MYH11: variants seen among roughly 807,000 people sequenced by gnomAD.
MYH11 encodes the protein myosin heavy chain 11.
In MYH11, 80 loss-of-function variants were observed where a neutral mutation model predicts 246.6. The observed-to-expected ratio is 0.32, with a 90% CI of 0.27 to 0.39. The LOEUF is 0.39. MYH11 is among the 10% of genes least tolerant of loss of function. The pLI, the probability that MYH11 is intolerant of heterozygous loss-of-function variation, is 1.00. For synonymous variants in MYH11, 1,071 were observed against 1,015.5 expected, an observed-to-expected ratio of 1.05 and a Z score of -1.04; for missense variants, 2,158 against 2,546.8, an observed-to-expected ratio of 0.85 and a Z score of 3.29.
At chr16:15,727,140 G>T in intron 27 of MYH11, 86 bp from the exon 28 acceptor site, 2 of 1,218,724 alleles carry the variant, frequency 1.6e-6, no homozygotes, top group Admixed American at 1.7e-5. Flanking sequence ...CCCTCAGAGA[G>T]GTCCAGGAAG....
chr16:15,818,470 T>C (rs2043317391), intron 3 of MYH11, among the ~76,000 whole-genome samples: 1 of 152,186 alleles, frequency 6.6e-6, no homozygotes. Flanking sequence ...TCTCGCTTTG[T>C]TGCCCAGGCT....
At chr16:15,854,024 CTG>C (rs1266015908) in intron 1 of MYH11, among the ~76,000 whole-genome samples, 2 of 152,148 alleles carry the variant, frequency 1.3e-5, no homozygotes, top group Admixed American at 6.5e-5. Context: ...GAGCAAGACT[CTG>C]TCTCAAAAAC....
At chr16:15,786,389 G>T (rs1328183055) in intron 5 of MYH11, 3 of 707,562 alleles carry the variant, frequency 4.2e-6, no homozygotes, top group Non-Finnish European at 7.8e-6. Flanking sequence ...GAAGGAAAGG[G>T]CTTATTCTCA....
intron 15 of MYH11, among the ~76,000 whole-genome samples, chr16:15,751,531 C>A (rs1239147476): frequency 6.6e-6 from 1 of 151,790 alleles, no homozygotes; most frequent in Non-Finnish European, 1.5e-5. Context: ...CCCAGCAGGT[C>A]CTGCACATGC....
chr16:15,793,039 A>G (rs971050056), intron 4 of MYH11, among the ~76,000 whole-genome samples: 7 of 151,846 alleles, frequency 4.6e-5, no homozygotes, highest in African/African-American at 1.7e-4. Flanking sequence ...CCAGCCTGTC[A>G]TCCATTTTAG....
intron 9 of MYH11, among the ~76,000 whole-genome samples, chr16:15,765,920 C>A (rs974627882): frequency 2.0e-5 from 3 of 152,152 alleles, no homozygotes; most frequent in Non-Finnish European, 4.4e-5. Context: ...CCTGCACAGC[C>A]CAGGCGAGCC....
At chr16:15,759,450 T>G in intron 12 of MYH11, 126 bp downstream of exon 12, 1 of 1,256,316 alleles carries the variant, frequency 8.0e-7, no homozygotes, top group Non-Finnish European at 1.2e-6. Flanking sequence ...GATCCACCCT[T>G]AACTAGACAG....
Position 15,741,810 on chromosome 16 carries a change from G to A in MYH11, c.2602C>T (p.Gln868Ter), listed in dbSNP as rs1333590764. ...TTAAGCTCATTCTCTGCCTTCTGCT[G>A]CCGCTCCTTGGTCTTCTGCAGTTCA... Reference protein sequence around the residue: ...EDELQKTKERQQKAENELKEL... With the variant: ...EDELQKTKER The change falls in exon 21 of 41, where the codon CAG (glutamine) becomes TAG (stop). Residue 868 changes from glutamine (Q) to a stop codon, truncating the protein, a stop_gained. Transcript: ENST00000300036. LOFTEE classifies it high-confidence loss of function. 1 of 1,614,208 alleles carries A rather than the reference G, an allele frequency of 6.2e-7. No individual in the cohort carries two copies. The highest frequency in any genetic ancestry group is 8.5e-7 in the Non-Finnish European group (1 of 1,180,050).
In MYH11 at chr16:15,738,637, C is replaced by T; in HGVS notation, c.3049G>A (p.Glu1017Lys). The change falls in exon 24 of 41, where the codon GAA becomes AAA. Residue 1017 changes from glutamate to lysine, a missense_variant. Glu to Lys is a moderately conservative substitution (Grantham distance 56). Transcript: ENST00000300036. The part of the protein sequence containing the change: ...RISDLTTNLA[E>K]EEEKAKNLTK... ...AGATTCTTGGCCTTTTCTTCCTCTT[C>T]TGCAAGATTTGTCGTTAAGTCACTA... 1 of 1,614,098 alleles carries T rather than the reference C, an allele frequency of 6.2e-7. No individual in the cohort carries two copies. Among genetic ancestry groups the T allele is most frequent in the Non-Finnish European group, 8.5e-7 (1 of 1,179,982 alleles).
chr16:15,748,152 G>A lies in MYH11; in HGVS notation c.2075C>T (p.Ala692Val), dbSNP rs148893135. 5.9e-4 allele frequency: 952 copies of A among 1,613,786 alleles called. 1 individual carries two copies. Among genetic ancestry groups the A allele is most frequent in the Non-Finnish European group, 7.6e-4 (902 of 1,180,042 alleles). The change falls in exon 17 of 41, where the codon GCG becomes GTG. Residue 692 changes from alanine to valine, a missense_variant. By Grantham distance (64) the Ala-to-Val change is moderately conservative. Transcript: ENST00000300036. The part of the protein sequence containing the change: ...NHEKRSGKLD[A>V]FLVLEQLRCN... ...CCGCAGCTGCTCCAGCACCAGGAAC[G>A]CATCCAGCTTGCCGGACTGCAAAGG...
At chr16:15,855,129 G>A (rs893044555) in intron 1 of MYH11, among the ~76,000 whole-genome samples, 3 of 152,088 alleles carry the variant, frequency 2.0e-5, no homozygotes, top group Non-Finnish European at 4.4e-5. Flanking sequence ...TACCTTGTAC[G>A]GAATAACACA....
intron 4 of MYH11, among the ~76,000 whole-genome samples, chr16:15,795,812 T>C (rs1476762816): frequency 6.6e-6 from 1 of 152,228 alleles, no homozygotes; most frequent in Admixed American, 6.5e-5. Flanking sequence ...GGGTGCTTAT[T>C]GTTCCCATTT....
chr16:15,733,329 G>A (rs1319581142), intron 26 of MYH11, among the ~76,000 whole-genome samples: 1 of 152,170 alleles, frequency 6.6e-6, no homozygotes, highest in Admixed American at 6.5e-5. Context: ...CACCTCCCGG[G>A]TTCAAGCGAT....
At chr16:15,776,494 C>T (rs1290305480) in intron 7 of MYH11, among the ~76,000 whole-genome samples, 1 of 152,196 alleles carries the variant, frequency 6.6e-6, no homozygotes, top group African/African-American at 2.4e-5. Flanking sequence ...GAGCTGTCTT[C>T]AGACATGACA....
In MYH11 at chr16:15,716,352, G is replaced by A. The variant is rs1364149805; in HGVS notation, c.5504+788C>T. Among the ~76,000 whole-genome samples the A allele has an allele frequency of 2.6e-5, 4 of 152,134 alleles. No homozygotes were observed. The East Asian group carries it at 7.7e-4, about 29-fold the overall frequency. Reference sequence around the variant, plus strand: ...ACACTTTAAATGGGTGCATTGCAGGGCGTGCGAATTACTGAAAAAGCTACT... The same window carrying A: ...ACACTTTAAATGGGTGCATTGCAGGACGTGCGAATTACTGAAAAAGCTACT... On this transcript the variant is annotated intron_variant, in intron 38 of 40. Coordinates refer to ENST00000300036, the MANE Select transcript of MYH11 (RefSeq NM_002474.3).
chr16:15,769,173 G>A (rs1261804160), intron 9 of MYH11, among the ~76,000 whole-genome samples: 1 of 152,090 alleles, frequency 6.6e-6, no homozygotes, highest in African/African-American at 2.4e-5. Context: ...AAAATTAGTG[G>A]GGCATGGTGG....
At chr16:15,783,934 T>C (rs965624342) in intron 5 of MYH11, among the ~76,000 whole-genome samples, 7 of 151,974 alleles carry the variant, frequency 4.6e-5, no homozygotes, top group African/African-American at 1.7e-4. Flanking sequence ...CTAAGATGGA[T>C]TGAATGATCT....
intron 4 of MYH11, among the ~76,000 whole-genome samples, chr16:15,795,285 T>C (rs1028800114): frequency 7.1e-6 from 1 of 141,786 alleles, no homozygotes; most frequent in Non-Finnish European, 1.5e-5. Flanking sequence ...AGAGTGAGAC[T>C]CTGTCTCAAC....
intron 7 of MYH11, among the ~76,000 whole-genome samples, chr16:15,776,792 T>G (rs553487118): frequency 6.6e-6 from 1 of 152,158 alleles, no homozygotes; most frequent in African/African-American, 2.4e-5. Context: ...ACTAATTAAT[T>G]TCAGGAGAGC....
Sources: gnomAD v4.1 joint callset for allele counts (sites outside exome capture counted in the v4.1 genomes callset) on GRCh38, gnomAD v4.1.1 for gene constraint, MANE v1.5 for transcripts, NCBI Gene and HGNC (gene_info 2026-07-23, HGNC 2026-07-21) for gene names.